Variants in CORIN observed in about 807,000 individuals in gnomAD.
CORIN encodes the protein corin, serine peptidase.
In CORIN, 117 loss-of-function variants were observed where a neutral mutation model predicts 125.3. That is an observed-to-expected ratio of 0.93 (90% CI 0.80 to 1.09). CORIN has a LOEUF of 1.09. Ranked by LOEUF, CORIN falls within the 50% of genes least tolerant of loss-of-function variation. The pLI, the probability that CORIN is intolerant of heterozygous loss-of-function variation, is 0.00. For missense variants in CORIN, 1,253 were observed against 1,306.7 expected (o/e 0.96, Z 0.63); for synonymous variants, 450 against 466.4 (o/e 0.96, Z 0.45).
intron 21 of CORIN, among the ~76,000 whole-genome samples, chr4:47,599,447 C>CAAAG (rs201119865): frequency 0.36 from 54,883 of 151,996 alleles, 10,227 homozygotes; most frequent in Admixed American, 0.4. Context: ...CAATTTACTC[C>CAAAG]CAATTAAAGG....
chr4:47,830,796 T>C (rs1032585334), intron 1 of CORIN, among the ~76,000 whole-genome samples: 8 of 152,218 alleles, frequency 5.3e-5, no homozygotes, highest in African/African-American at 1.9e-4. Flanking sequence ...TAAGATTTCC[T>C]GGTACTGTCA....
intron 19 of CORIN, among the ~76,000 whole-genome samples, chr4:47,619,959 C>T (rs1005283459): frequency 1.3e-5 from 2 of 152,194 alleles, no homozygotes; most frequent in Admixed American, 6.5e-5. Flanking sequence ...ACTATGCAGA[C>T]TCTTCCAATA....
intron 5 of CORIN, among the ~76,000 whole-genome samples, chr4:47,694,704 C>A (rs1009768293): frequency 6.6e-6 from 1 of 152,184 alleles, no homozygotes; most frequent in African/African-American, 2.4e-5. Context: ...TAGGACCCAG[C>A]GGAGTGCCTG....
chr4:47,786,607 G>C, intron 3 of CORIN, 118 bp downstream of exon 3: 1 of 731,072 alleles, frequency 1.4e-6, no homozygotes, highest in Non-Finnish European at 2.3e-6. Flanking sequence ...AGGAAACTGA[G>C]TGGAGATTTT....
intron 12 of CORIN, among the ~76,000 whole-genome samples, chr4:47,655,724 T>C (rs1723943006): frequency 2.6e-5 from 4 of 151,978 alleles, no homozygotes; most frequent in Admixed American, 2.0e-4. Flanking sequence ...TTGGAAAGCC[T>C]ATGAGAGATG....
At chr4:47,833,321 G>C (rs1308054812) in intron 1 of CORIN, among the ~76,000 whole-genome samples, 1 of 152,054 alleles carries the variant, frequency 6.6e-6, no homozygotes, top group Non-Finnish European at 1.5e-5. Context: ...TCAACAAATG[G>C]TGCTGGGAAA....
At chr4:47,596,571 TC>T (rs1291242425) in intron 21 of CORIN, among the ~76,000 whole-genome samples, 3 of 152,054 alleles carry the variant, frequency 2.0e-5, no homozygotes, top group East Asian at 3.9e-4. Context: ...ATTCAGTTTT[TC>T]CCCCAAATAT....
rs570248962 is a variant in CORIN, at chr4:47,597,282, T to G, written c.2947-1379A>C. ...CAGGAGAATCCCTTGAACCCAGGAG[T>G]TGGAGGTTGCAGTGAGCTGAGATCA... On this transcript the variant is annotated intron_variant, in intron 21 of 21. Coordinates refer to ENST00000273857, the MANE Select transcript of CORIN (RefSeq NM_006587.4). 5.3e-5 allele frequency among the ~76,000 whole-genome samples: 8 copies of G among 150,946 alleles called. No individual in the cohort carries two copies. In the South Asian group the frequency reaches 1.5e-3, roughly 28 times the overall value.
At chr4:47,753,637 C>T (rs1338312114) in intron 4 of CORIN, among the ~76,000 whole-genome samples, 1 of 152,130 alleles carries the variant, frequency 6.6e-6, no homozygotes, top group Non-Finnish European at 1.5e-5. Flanking sequence ...CTTGCACATC[C>T]GTTTATAGGC....
intron 2 of CORIN, among the ~76,000 whole-genome samples, chr4:47,789,465 C>A (rs1309071973): frequency 2.0e-5 from 3 of 152,008 alleles, no homozygotes; most frequent in African/African-American, 7.3e-5. Flanking sequence ...GTATTGAAAG[C>A]AATTTGGCAG....
chr4:47,721,824 T>C (rs1727362182), intron 5 of CORIN, among the ~76,000 whole-genome samples: 1 of 152,246 alleles, frequency 6.6e-6, no homozygotes, highest in African/African-American at 2.4e-5. Flanking sequence ...ACTGTTATTA[T>C]TAAACACTAT....
chr4:47,766,871 G>A (rs1310559621), intron 3 of CORIN, among the ~76,000 whole-genome samples: 4 of 151,134 alleles, frequency 2.6e-5, no homozygotes, highest in South Asian at 2.1e-4. Flanking sequence ...GCTTAAACTC[G>A]GGAGGCGGAG....
chr4:47,716,481 G>C (rs1172055648), intron 5 of CORIN, among the ~76,000 whole-genome samples: 1 of 152,148 alleles, frequency 6.6e-6, no homozygotes, highest in Non-Finnish European at 1.5e-5. Context: ...AAACACCCTT[G>C]CCCTCTGTCA....
intron 5 of CORIN, among the ~76,000 whole-genome samples, chr4:47,721,381 T>C (rs1357487057): frequency 1.3e-5 from 2 of 152,120 alleles, no homozygotes; most frequent in African/African-American, 4.8e-5. Context: ...GTGATTCTCC[T>C]GCCTCAGACA....
In CORIN at chr4:47,595,829, G is replaced by C; in HGVS notation, c.3021C>G (p.Gly1007=). Reference sequence around the variant, plus strand: ...CCAGGACTTTGGAAAAGCAGACGGAGCCCCATGAAGTTAATCCAAATAATG... The same window carrying C: ...CCAGGACTTTGGAAAAGCAGACGGACCCCCATGAAGTTAATCCAAATAATG... The part of the protein sequence containing the change: ...RWTLFGLTSW[G]SVCFSKVLGP... Residue 1007 remains glycine, a synonymous_variant, in exon 22 of 22, where the codon GGC becomes GGG. Transcript: ENST00000273857. 1 of 1,613,792 alleles carries C rather than the reference G, an allele frequency of 6.2e-7. No homozygotes were observed.
chr4:47,621,266 C>T (rs1560475755), intron 19 of CORIN, among the ~76,000 whole-genome samples: 1 of 152,122 alleles, frequency 6.6e-6, no homozygotes, highest in Non-Finnish European at 1.5e-5. Flanking sequence ...CAACTTCTTC[C>T]TGGCTTCCTT....
intron 2 of CORIN, among the ~76,000 whole-genome samples, chr4:47,789,050 C>A (rs1211474990): frequency 6.6e-6 from 1 of 152,180 alleles, no homozygotes; most frequent in Non-Finnish European, 1.5e-5. Context: ...TGCCTGTAAT[C>A]CCAGCACTTT....
At chr4:47,625,800 T>C (rs948842236) in intron 17 of CORIN, among the ~76,000 whole-genome samples, 1 of 152,140 alleles carries the variant, frequency 6.6e-6, no homozygotes, top group African/African-American at 2.4e-5. Context: ...CACAAATCTA[T>C]TATGAGGTTT....
At chr4:47,721,395 A>G (rs1727344641) in intron 5 of CORIN, among the ~76,000 whole-genome samples, 1 of 151,762 alleles carries the variant, frequency 6.6e-6, no homozygotes, top group Admixed American at 6.6e-5. Context: ...TCAGACACCC[A>G]AGTAGCTGTG....
Sources: gnomAD v4.1 joint callset for allele counts (sites outside exome capture counted in the v4.1 genomes callset) on GRCh38, gnomAD v4.1.1 for gene constraint, MANE v1.5 for transcripts, NCBI Gene and HGNC (gene_info 2026-07-23, HGNC 2026-07-21) for gene names.